The following ABLIM2 variants were observed in gnomAD, a reference collection of about 807,000 sequenced individuals.
ABLIM2 encodes actin-binding LIM protein 2.
In ABLIM2, 53 loss-of-function variants were observed where a neutral mutation model predicts 97.7. The observed-to-expected ratio is 0.54, with a 90% CI of 0.44 to 0.68. ABLIM2 has a LOEUF of 0.68. ABLIM2 is among the 30% of genes least tolerant of loss of function. The probability of loss-of-function intolerance (pLI) is 0.00; values close to 1 mark genes in which losing one functional copy is unlikely to be tolerated. For missense variants in ABLIM2, 835 were observed against 867.2 expected, an observed-to-expected ratio of 0.96 and a Z score of 0.47; for synonymous variants, 361 against 345.8, an observed-to-expected ratio of 1.04 and a Z score of -0.49.
At chr4:8,060,660 G>A (rs1301146933) in intron 7 of ABLIM2, among the ~76,000 whole-genome samples, 1 of 152,202 alleles carries the variant, frequency 6.6e-6, no homozygotes, top group Non-Finnish European at 1.5e-5. Flanking sequence ...TGATCAGGCC[G>A]TATTTGTTTA....
At position 8,004,562 on chromosome 4, in the gene ABLIM2, T is replaced by G. The variant is rs374142862; in HGVS notation, c.1618+3497A>C. The stretch of plus-strand genomic sequence containing the variant: ...TATTATGCTGACACGCCTCTGACCT[T>G]CGAGGGTGGGACGTGAGAGACCTCA... On this transcript the variant is annotated intron_variant, in intron 16 of 20. Transcript: ENST00000447017. This position sits in a 1 kb window ranked among gnomAD's most constrained non-coding sequence, Gnocchi z 5.9. 3.9e-5 allele frequency among the ~76,000 whole-genome samples: 6 copies of G among 152,014 alleles called. No individual in the cohort carries two copies. The highest frequency in any genetic ancestry group is 3.9e-4 in the East Asian group (2 of 5,162).
chr4:8,041,065 T>C (rs1788133592), intron 9 of ABLIM2, among the ~76,000 whole-genome samples: 1 of 152,156 alleles, frequency 6.6e-6, no homozygotes, highest in Non-Finnish European at 1.5e-5. Flanking sequence ...GGCCTTCTGT[T>C]TAAAACTGGA....
At chr4:8,040,446 A>C (rs1295284336) in intron 9 of ABLIM2, among the ~76,000 whole-genome samples, 1 of 152,074 alleles carries the variant, frequency 6.6e-6, no homozygotes, top group Non-Finnish European at 1.5e-5. Context: ...CCCTGTCTCT[A>C]CTAAAAATAC....
Position 8,030,643 on chromosome 4 carries a change from C to T in ABLIM2, c.1048-867G>A, listed in dbSNP as rs551021384. On this transcript the variant is annotated intron_variant, in intron 10 of 20. Coordinates refer to ENST00000447017, the MANE Select transcript of ABLIM2 (RefSeq NM_001130083.2). The stretch of plus-strand genomic sequence containing the variant: ...ATGCTAGGTTCCTACCTGCGCTTCA[C>T]CCTGCTCCCTTTGGCGACTGTCTAA... Among the ~76,000 whole-genome samples, 4 of 152,356 alleles carry T rather than the reference C, an allele frequency of 2.6e-5. No homozygotes were observed. In the South Asian group the frequency reaches 8.3e-4, roughly 32 times the overall value.
At chr4:8,063,466 G>T (rs1361236759) in intron 6 of ABLIM2, among the ~76,000 whole-genome samples, 1 of 152,258 alleles carries the variant, frequency 6.6e-6, no homozygotes, top group Admixed American at 6.5e-5. Flanking sequence ...ACATTAACTT[G>T]TCAAGTCCTT....
intron 3 of ABLIM2, 30 bp downstream of exon 3, chr4:8,097,069 G>A (rs746218716): frequency 7.0e-6 from 11 of 1,581,558 alleles, no homozygotes; most frequent in Non-Finnish European, 6.0e-6. Flanking sequence ...AGAGGCAGGG[G>A]AAGCAGAGGC....
At chr4:8,152,462 A>C (rs1713309036) in intron 1 of ABLIM2, among the ~76,000 whole-genome samples, 1 of 152,244 alleles carries the variant, frequency 6.6e-6, no homozygotes, top group African/African-American at 2.4e-5. Context: ...CCAGGGCCCC[A>C]GGGCGGCACT....
intron 1 of ABLIM2, among the ~76,000 whole-genome samples, chr4:8,141,409 G>A (rs185812904): frequency 1.3e-4 from 20 of 152,220 alleles, no homozygotes; most frequent in Admixed American, 9.8e-4. Flanking sequence ...AGCTTTCCCC[G>A]CAGCTAGCTT....
rs1758476558 is a variant in ABLIM2 at position 8,003,244 on chromosome 4, G to A, written c.1618+4815C>T. ...CTAGCAAACACCATGGCTTAGCCCA[G>A]CCTGCCTTAAACATGCTCAGAAACC... is the stretch of plus-strand genomic sequence containing the variant. On this transcript the variant is annotated intron_variant, in intron 16 of 20. Transcript: ENST00000447017. This position sits in a 1 kb window ranked among gnomAD's most constrained non-coding sequence, Gnocchi z 4.2. 6.6e-6 allele frequency among the ~76,000 whole-genome samples: 1 copy of A among 152,250 alleles called. No individual in the cohort carries two copies. Among genetic ancestry groups the A allele is most frequent in the African/African-American group, 2.4e-5 (1 of 41,464 alleles).
At chr4:8,009,011 G>A (rs747152726) in intron 15 of ABLIM2, 39 bp downstream of exon 15, 3 of 1,610,826 alleles carry the variant, frequency 1.9e-6, no homozygotes, top group South Asian at 2.2e-5. Context: ...TTCTTTCTGA[G>A]CAAGGCTGTT....
chr4:8,069,526 C>A lies in ABLIM2; in HGVS notation c.675+8102G>T, dbSNP rs1213433099. Among the ~76,000 whole-genome samples, 1 of 152,118 alleles carries A rather than the reference C, an allele frequency of 6.6e-6. No homozygotes were observed. The highest frequency in any genetic ancestry group is 2.4e-5 in the African/African-American group (1 of 41,430). ...GATGCGCTGCCGGCATGAGGCAAGG[C>A]AGGAAGGCAGAGATGCGGCAAAGGG... is the stretch of plus-strand genomic sequence containing the variant. On this transcript the variant is annotated intron_variant, in intron 6 of 20. Coordinates refer to ENST00000447017, the MANE Select transcript of ABLIM2 (RefSeq NM_001130083.2). This position sits in a 1 kb window ranked among gnomAD's most constrained non-coding sequence, Gnocchi z 4.2.
chr4:8,030,475 A>G (rs184815178), intron 10 of ABLIM2, among the ~76,000 whole-genome samples: 3 of 152,276 alleles, frequency 2.0e-5, no homozygotes, highest in South Asian at 2.1e-4. Flanking sequence ...TTTTGCCCTC[A>G]AGGCCAGCAC....
chr4:8,018,792 T>A (rs1338292353), intron 14 of ABLIM2, among the ~76,000 whole-genome samples: 3 of 152,214 alleles, frequency 2.0e-5, no homozygotes, highest in African/African-American at 7.2e-5. Context: ...TTCCCATCGC[T>A]AGTGACTTGA....
rs2152886104 is a variant in ABLIM2 at position 8,122,868 on chromosome 4, C to T, written c.11-16231G>A. ...AGGCCTCTCTGACCCTGGCCTTTTC[C>T]ACCATGCCCCACCGCGTGGATGAGG... On this transcript the variant is annotated intron_variant, in intron 1 of 20. Coordinates refer to ENST00000447017, the MANE Select transcript of ABLIM2 (RefSeq NM_001130083.2). This position sits in a 1 kb window ranked among gnomAD's most constrained non-coding sequence, Gnocchi z 4.1. Among the ~76,000 whole-genome samples the T allele has an allele frequency of 6.6e-6, 1 of 152,250 alleles. No individual in the cohort carries two copies. The highest frequency in any genetic ancestry group is 2.1e-4 in the South Asian group (1 of 4,808).
chr4:8,059,244 G>A (rs2152080546), intron 7 of ABLIM2, among the ~76,000 whole-genome samples: 1 of 152,198 alleles, frequency 6.6e-6, no homozygotes, highest in South Asian at 2.1e-4. Flanking sequence ...AACAGGACTA[G>A]CAGGCCAGAA....
chr4:8,096,955 G>T, intron 3 of ABLIM2, 144 bp downstream of exon 3: 1 of 1,076,428 alleles, frequency 9.3e-7, no homozygotes, highest in Non-Finnish European at 1.3e-6. Context: ...GAAGGGTGCA[G>T]ACTGTGGGGC....
Position 7,974,428 on chromosome 4 carries a change from C to A in ABLIM2, c.1825-7325G>T, listed in dbSNP as rs1165162551. On this transcript the variant is annotated intron_variant, in intron 20 of 20. Transcript: ENST00000447017. Reference sequence around the variant, plus strand: ...CCATCCATCCACCAATCCATCCACCCACCCTTCCACCCACCCACCCACTCA... The same window carrying A: ...CCATCCATCCACCAATCCATCCACCAACCCTTCCACCCACCCACCCACTCA... Among the ~76,000 whole-genome samples, 331 of 149,120 alleles carry A rather than the reference C, an allele frequency of 2.2e-3. 5 individuals are homozygous for A. Among genetic ancestry groups the A allele is most frequent in the African/African-American group, 7.4e-3 (301 of 40,578 alleles).
intron 1 of ABLIM2, among the ~76,000 whole-genome samples, chr4:8,153,268 C>G (rs987500647): frequency 2.0e-5 from 3 of 152,176 alleles, no homozygotes; most frequent in African/African-American, 7.2e-5. Flanking sequence ...TTTTCTGGGA[C>G]AGTAAGATTG....
intron 5 of ABLIM2, among the ~76,000 whole-genome samples, chr4:8,077,971 A>G (rs1182457723): frequency 6.6e-6 from 1 of 152,186 alleles, no homozygotes; most frequent in Admixed American, 6.5e-5. Flanking sequence ...CCACCTGCCC[A>G]GTGGGTGGGA....
Sources: gnomAD v4.1 joint callset for allele counts (sites outside exome capture counted in the v4.1 genomes callset) on GRCh38, gnomAD v4.1.1 for gene constraint, Gnocchi (gnomAD v3.1) non-coding constraint, MANE v1.5 for transcripts, NCBI Gene and HGNC (gene_info 2026-07-23, HGNC 2026-07-21) for gene names.